AXDND1: variants seen among roughly 807,000 people sequenced by gnomAD.
The protein encoded by AXDND1 is axonemal dynein light chain domain containing 1, also known as axonemal dynein light chain domain-containing protein 1.
Under a neutral mutation model 137.5 loss-of-function variants are expected in AXDND1, and 110 were observed. That is an observed-to-expected ratio of 0.80 (90% CI 0.69 to 0.94). The LOEUF (loss-of-function observed/expected upper bound fraction) is 0.94. Among genes scored for constraint, AXDND1 ranks in the 40% least tolerant of loss-of-function variants. The pLI, the probability that AXDND1 is intolerant of heterozygous loss-of-function variation, is 0.00. For synonymous variants in AXDND1, 414 were observed against 399.7 expected, an observed-to-expected ratio of 1.04 and a Z score of -0.43; for missense variants, 1,191 against 1,169.8, an observed-to-expected ratio of 1.02 and a Z score of -0.26.
At chr1:179,384,271 C>T (rs984766252) in intron 8 of AXDND1, among the ~76,000 whole-genome samples, 1 of 152,148 alleles carries the variant, frequency 6.6e-6, no homozygotes, top group African/African-American at 2.4e-5. Flanking sequence ...TCTACATATG[C>T]ATCACTTTGT....
chr1:179,470,217 G>A (rs987002159), intron 17 of AXDND1, among the ~76,000 whole-genome samples: 4 of 152,102 alleles, frequency 2.6e-5, no homozygotes, highest in African/African-American at 9.7e-5. Context: ...TTCTTGCTTT[G>A]TAGAATGTTT....
intron 11 of AXDND1, among the ~76,000 whole-genome samples, chr1:179,400,600 T>TAAAAA (rs71111986): frequency 1.1e-3 from 153 of 138,300 alleles, no homozygotes; most frequent in African/African-American, 2.3e-3. Context: ...AGGGAAGAAA[T>TAAAAA]AAAAAAAAAA....
At chr1:179,378,587 G>T in intron 4 of AXDND1, 50 bp from the exon 5 acceptor site, 1 of 1,387,990 alleles carries the variant, frequency 7.2e-7, no homozygotes. Context: ...CTGTTATGTG[G>T]TATCCAGATA....
intron 11 of AXDND1, among the ~76,000 whole-genome samples, chr1:179,404,520 C>A (rs4562582): frequency 0.29 from 44,448 of 152,078 alleles, 6,705 homozygotes; most frequent in Non-Finnish European, 0.31. Flanking sequence ...CCACACCTGG[C>A]TGAGCTTTAT....
In AXDND1 at chr1:179,488,634, C is replaced by CTTCTTTCTTTCTTTCTTTCTTTTT. The variant is rs376189496; in HGVS notation, c.2092-2904_2092-2903insTTCTTTCTTTCTTTCTTTCTTTTT. On this transcript the variant is annotated intron_variant, in intron 18 of 25. Coordinates refer to ENST00000367618, the MANE Select transcript of AXDND1 (RefSeq NM_144696.6). ...TTTCTTTCTTTCTCTCTCTCTCTCTCCTTTCTTTCTTTCTTTCTTTCTTTC... is the reference window on the plus strand; with the variant it reads ...TTTCTTTCTTTCTCTCTCTCTCTCTCTTCTTTCTTTCTTTCTTTCTTTTTCTTTCTTTCTTTCTTTCTTTCTTTC... 1.7e-4 allele frequency among the ~76,000 whole-genome samples: 18 copies of CTTCTTTCTTTCTTTCTTTCTTTTT among 105,254 alleles called. 4 individuals carry two copies. Among genetic ancestry groups the CTTCTTTCTTTCTTTCTTTCTTTTT allele is most frequent in the African/African-American group, 4.3e-4 (11 of 25,654 alleles). The allele number at this position is 105,254 out of a possible 152,430, so 69.1% of individuals were successfully genotyped here.
At chr1:179,508,509 T>C (rs181697171) in intron 20 of AXDND1, among the ~76,000 whole-genome samples, 12 of 152,290 alleles carry the variant, frequency 7.9e-5, no homozygotes, top group Admixed American at 5.9e-4. Context: ...AGGGCTTTTA[T>C]TAACTAATAA....
At chr1:179,461,975 A>C (rs1019867547) in intron 16 of AXDND1, among the ~76,000 whole-genome samples, 1 of 152,184 alleles carries the variant, frequency 6.6e-6, no homozygotes, top group Admixed American at 6.5e-5. Context: ...TAAATATACA[A>C]TCATGTCATC....
chr1:179,466,368 C>G (rs2125469348), intron 16 of AXDND1, among the ~76,000 whole-genome samples: 1 of 147,682 alleles, frequency 6.8e-6, no homozygotes, highest in South Asian at 2.2e-4. Flanking sequence ...TCAAGCAGTC[C>G]TCCCCCTTGA....
At chr1:179,395,627 AT>A (rs1181757011) in intron 11 of AXDND1, among the ~76,000 whole-genome samples, 1 of 152,208 alleles carries the variant, frequency 6.6e-6, no homozygotes, top group African/African-American at 2.4e-5. Context: ...TATTACGAGT[AT>A]TAAAGGAAGT....
chr1:179,425,190 G>A (rs72719210), intron 12 of AXDND1, among the ~76,000 whole-genome samples: 6,956 of 152,240 alleles, frequency 0.046, 234 homozygotes, highest in Non-Finnish European at 0.069. Context: ...TTTTTGCTTA[G>A]CAAATCTTAA....
intron 16 of AXDND1, chr1:179,456,069 TG>T (rs1435561158): frequency 2.1e-6 from 1 of 466,026 alleles, no homozygotes; most frequent in African/African-American, 2.0e-5. Flanking sequence ...TCGAGTTTTT[TG>T]CCCATACTCA....
intron 19 of AXDND1, 35 bp from the exon 20 acceptor site, chr1:179,492,818 GCT>G (rs1491454346): frequency 7.1e-7 from 1 of 1,398,808 alleles, no homozygotes; most frequent in African/African-American, 1.4e-5. Context: ...GTGTGTATTT[GCT>G]CTTTTTCTTT....
At chr1:179,403,648 A>C (rs1652458841) in intron 11 of AXDND1, among the ~76,000 whole-genome samples, 2 of 152,196 alleles carry the variant, frequency 1.3e-5, no homozygotes, top group Non-Finnish European at 2.9e-5. Flanking sequence ...ATCTTGGCTC[A>C]CTGCAGCCTC....
rs1671369559 is a variant in AXDND1 at position 179,534,868 on chromosome 1, AAATC to A, written c.2940_2943del (p.Asn980LysfsTer6). 7 of 1,610,484 alleles carry A rather than the reference AAATC, an allele frequency of 4.3e-6. No homozygotes were observed. In the East Asian group the frequency reaches 1.6e-4, roughly 36 times the overall value. The stretch of plus-strand genomic sequence containing the variant: ...GAAAGGAGTCTAAAGAAGAGAAAGA[AAATC>A]AAGATGAAAGAGAAGTAAAAGAAGA... On this transcript the variant is annotated frameshift_variant, in exon 25 of 26. Coordinates refer to ENST00000367618, the MANE Select transcript of AXDND1 (RefSeq NM_144696.6). LOFTEE classifies it high-confidence loss of function.
intron 20 of AXDND1, among the ~76,000 whole-genome samples, chr1:179,508,243 G>GGA (rs1436168813): frequency 6.6e-6 from 1 of 151,928 alleles, no homozygotes; most frequent in Non-Finnish European, 1.5e-5. Context: ...GGCTGAGGTG[G>GGA]GAGGATCACT....
rs868157534 is a variant in AXDND1, at chr1:179,371,633, G to A, written c.374+1555G>A. On this transcript the variant is annotated intron_variant, in intron 4 of 25. Transcript: ENST00000367618. ...GAAAGTAAGGACATTGAAATGGATA[G>A]ATTATCTTAGATTGTCAGGGTGGGC... Among the ~76,000 whole-genome samples the A allele has an allele frequency of 2.6e-5, 4 of 152,098 alleles. No individual in the cohort carries two copies. In the South Asian group the frequency reaches 6.2e-4, roughly 24 times the overall value.
At chr1:179,488,032 GTCAA>G (rs1666285160) in intron 18 of AXDND1, among the ~76,000 whole-genome samples, 1 of 115,252 alleles carries the variant, frequency 8.7e-6, no homozygotes, top group East Asian at 2.3e-4. Context: ...TTTCAATTCC[GTCAA>G]TCAGTTATGC....
chr1:179,525,806 T>TAC (rs907772494), intron 22 of AXDND1, among the ~76,000 whole-genome samples: 1 of 144,530 alleles, frequency 6.9e-6, no homozygotes, highest in African/African-American at 2.5e-5. Flanking sequence ...TATATATATA[T>TAC]ATACACAGAC....
intron 7 of AXDND1, 99 bp from the exon 8 acceptor site, chr1:179,383,343 A>T (rs1382083307): frequency 1.2e-6 from 1 of 834,294 alleles, no homozygotes; most frequent in Non-Finnish European, 1.9e-6. Flanking sequence ...TATCCCAGAG[A>T]GCATATATAT....
Sources: allele counts gnomAD v4.1 joint callset (sites outside exome capture counted in the v4.1 genomes callset), GRCh38; gene constraint gnomAD v4.1.1; transcripts MANE v1.5; gene names NCBI Gene and HGNC (gene_info 2026-07-23, HGNC 2026-07-21).